Variants in PDE3B observed in about 807,000 individuals in gnomAD.
The protein encoded by PDE3B is cGMP-inhibited 3',5'-cyclic phosphodiesterase 3B.
Under a neutral mutation model 116.8 loss-of-function variants are expected in PDE3B, and 66 were observed. That is an observed-to-expected ratio of 0.56 (90% CI 0.46 to 0.69). PDE3B has a LOEUF of 0.69. PDE3B is among the 30% of genes least tolerant of loss of function. PDE3B has a pLI of 0.00. For missense variants in PDE3B, 1,384 were observed against 1,368.1 expected (o/e 1.01, Z -0.18); for synonymous variants, 595 against 533.6 (o/e 1.12, Z -1.59).
chr11:14,795,063 A>G (rs977886300), intron 4 of PDE3B, among the ~76,000 whole-genome samples: 10 of 152,106 alleles, frequency 6.6e-5, no homozygotes, highest in Non-Finnish European at 8.8e-5. Context: ...CTGGATTTTT[A>G]TAGGAGCTTC....
chr11:14,785,336 G>A (rs1038211809), intron 2 of PDE3B, among the ~76,000 whole-genome samples: 4 of 152,010 alleles, frequency 2.6e-5, no homozygotes, highest in African/African-American at 9.7e-5. Flanking sequence ...CTGGTATCAG[G>A]AAATGTTTTA....
chr11:14,856,656 T>C (rs781944867), intron 12 of PDE3B, among the ~76,000 whole-genome samples: 7 of 151,954 alleles, frequency 4.6e-5, no homozygotes, highest in Non-Finnish European at 8.8e-5. Flanking sequence ...AGATAGAGAC[T>C]ATCCTGGTAA....
intron 1 of PDE3B, among the ~76,000 whole-genome samples, chr11:14,752,310 T>C (rs984082148): frequency 6.6e-6 from 1 of 152,164 alleles, no homozygotes; most frequent in African/African-American, 2.4e-5. Context: ...CAGAGAAAAC[T>C]GGGACAATCT....
intron 1 of PDE3B, among the ~76,000 whole-genome samples, chr11:14,704,049 T>C (rs571463170): frequency 6.6e-6 from 1 of 151,912 alleles, no homozygotes; most frequent in Non-Finnish European, 1.5e-5. Flanking sequence ...TGGCTTGATA[T>C]GTGGCCTGAA....
At chr11:14,746,420 TG>T (rs1223222308) in intron 1 of PDE3B, among the ~76,000 whole-genome samples, 1 of 152,070 alleles carries the variant, frequency 6.6e-6, no homozygotes, top group Non-Finnish European at 1.5e-5. Flanking sequence ...AAAATAAAGC[TG>T]TCTTTAAAAA....
intron 4 of PDE3B, among the ~76,000 whole-genome samples, chr11:14,790,866 A>G (rs112556212): frequency 7.2e-4 from 110 of 152,082 alleles, no homozygotes; most frequent in Non-Finnish European, 1.1e-3. Context: ...ATGGGAATAT[A>G]TGAAACATTT....
chr11:14,750,591 A>G (rs980061100), intron 1 of PDE3B, among the ~76,000 whole-genome samples: 3 of 152,016 alleles, frequency 2.0e-5, no homozygotes, highest in Non-Finnish European at 4.4e-5. Context: ...AATAATATTT[A>G]TAATGTAGAT....
chr11:14,739,922 T>A (rs1856714937), intron 1 of PDE3B, among the ~76,000 whole-genome samples: 1 of 152,176 alleles, frequency 6.6e-6, no homozygotes, highest in Non-Finnish European at 1.5e-5. Context: ...TTTGTGTATG[T>A]TGAACTAGCC....
At chr11:14,868,056 TAC>T (rs542009393) in intron 15 of PDE3B, among the ~76,000 whole-genome samples, 124 of 152,358 alleles carry the variant, frequency 8.1e-4, no homozygotes, top group African/African-American at 2.9e-3. Context: ...GTTTCTCAGA[TAC>T]AGATTCAGCA....
chr11:14,812,739 C>T (rs1282201680), intron 5 of PDE3B, among the ~76,000 whole-genome samples: 2 of 152,148 alleles, frequency 1.3e-5, no homozygotes, highest in Non-Finnish European at 2.9e-5. Context: ...AAATTCTTCC[C>T]TATATTTAAC....
intron 1 of PDE3B, among the ~76,000 whole-genome samples, chr11:14,761,756 A>T (rs1047346345): frequency 3.5e-4 from 53 of 152,262 alleles, no homozygotes; most frequent in African/African-American, 1.2e-3. Flanking sequence ...CACAATTACC[A>T]TGACAAAACT....
intron 1 of PDE3B, among the ~76,000 whole-genome samples, chr11:14,721,134 C>G (rs1046634060): frequency 6.0e-5 from 9 of 150,818 alleles, no homozygotes; most frequent in Admixed American, 5.3e-4. Context: ...AGACACTTCT[C>G]AAAAGAAGAC....
At chr11:14,827,537 C>T (rs1590176564) in intron 7 of PDE3B, among the ~76,000 whole-genome samples, 1 of 151,936 alleles carries the variant, frequency 6.6e-6, no homozygotes, top group Non-Finnish European at 1.5e-5. Flanking sequence ...AAAACAAGAG[C>T]CAAACCAGGA....
At position 14,772,000 on chromosome 11, in the gene PDE3B, A is replaced by G. The variant is rs757073652; in HGVS notation, c.1029+13A>G. On this transcript the variant is annotated intron_variant, in intron 2 of 15. Coordinates refer to ENST00000282096, the MANE Select transcript of PDE3B (RefSeq NM_000922.4). Reference sequence around the variant, plus strand: ...GCCTCATTATCAAGTAAGTATAATTAATATCTGTGATGAATATCTAAATAA... The same window carrying G: ...GCCTCATTATCAAGTAAGTATAATTGATATCTGTGATGAATATCTAAATAA... The G allele has an allele frequency of 1.0e-5, 11 of 1,067,394 alleles. 1 individual carries two copies. In the East Asian group the frequency reaches 3.0e-4, roughly 29 times the overall value. 66.1% of individuals were successfully genotyped at this position (1,067,394 alleles called of 1,614,324 possible).
At chr11:14,744,929 G>A (rs752932981) in intron 1 of PDE3B, among the ~76,000 whole-genome samples, 8 of 152,136 alleles carry the variant, frequency 5.3e-5, no homozygotes, top group Non-Finnish European at 1.2e-4. Flanking sequence ...TAGTATAATT[G>A]TTCTTTAAGT....
intron 2 of PDE3B, among the ~76,000 whole-genome samples, chr11:14,783,430 T>G (rs1858091759): frequency 6.6e-6 from 1 of 152,158 alleles, no homozygotes; most frequent in Non-Finnish European, 1.5e-5. Flanking sequence ...TATGCAGCCA[T>G]AAAAATGGAT....
intron 7 of PDE3B, among the ~76,000 whole-genome samples, chr11:14,825,094 C>T (rs1859646429): frequency 2.0e-5 from 3 of 152,082 alleles, no homozygotes; most frequent in African/African-American, 7.2e-5. Flanking sequence ...AAGTTTGTTA[C>T]TACCATTTGT....
In PDE3B at chr11:14,835,814, T is replaced by G. The variant is rs75232045; in HGVS notation, c.2320+719T>G. Among the ~76,000 whole-genome samples the G allele has an allele frequency of 1.8e-3, 273 of 152,140 alleles. 5 individuals are homozygous for G. In the East Asian group the frequency reaches 0.043, roughly 24 times the overall value. ...CTCTACAAAAAAATTTTTAAAAAATTTAGCTGGATGTGGTGACACACACCT... is the reference window on the plus strand; with the variant it reads ...CTCTACAAAAAAATTTTTAAAAAATGTAGCTGGATGTGGTGACACACACCT... On this transcript the variant is annotated intron_variant, in intron 11 of 15. Coordinates refer to ENST00000282096, the MANE Select transcript of PDE3B (RefSeq NM_000922.4).
intron 7 of PDE3B, among the ~76,000 whole-genome samples, chr11:14,823,905 C>G (rs1199887495): frequency 1.3e-5 from 2 of 152,082 alleles, no homozygotes; most frequent in Admixed American, 6.5e-5. Flanking sequence ...AGTAGCAGCT[C>G]TGGAACTCCC....
Sources: gnomAD v4.1 joint callset for allele counts (sites outside exome capture counted in the v4.1 genomes callset) on GRCh38, gnomAD v4.1.1 for gene constraint, MANE v1.5 for transcripts, NCBI Gene and HGNC (gene_info 2026-07-23, HGNC 2026-07-21) for gene names.